The following PDE1C variants were observed in gnomAD, a reference collection of about 807,000 sequenced individuals.
PDE1C encodes dual specificity calcium/calmodulin-dependent 3',5'-cyclic nucleotide phosphodiesterase 1C.
In PDE1C, 62 loss-of-function variants were observed where a neutral mutation model predicts 93.1. The ratio of observed to expected loss-of-function variants is 0.67; its 90% CI spans 0.54 to 0.82. PDE1C has a LOEUF of 0.82. Ranked by LOEUF, PDE1C falls within the 40% of genes least tolerant of loss-of-function variation. The probability of loss-of-function intolerance (pLI) is 0.00; values close to 1 mark genes in which losing one functional copy is unlikely to be tolerated. For missense variants in PDE1C, 742 were observed against 884.6 expected (o/e 0.84, Z 2.04); for synonymous variants, 325 against 310.1 (o/e 1.05, Z -0.50).
chr7:31,965,698 C>A (rs977086951), intron 2 of PDE1C, among the ~76,000 whole-genome samples: 41 of 152,146 alleles, frequency 2.7e-4, no homozygotes, highest in African/African-American at 9.9e-4. Context: ...ATGTTAAGGG[C>A]AGCCAGAGAG....
chr7:31,663,341 A>G, the PDE1C span, among the ~76,000 whole-genome samples: 2 of 152,178 alleles, frequency 1.3e-5, no homozygotes, highest in Non-Finnish European at 2.9e-5. Flanking sequence ...TTGTAATGCC[A>G]TTCGTTACCA....
At chr7:31,813,688 A>G (rs1012579829) in intron 15 of PDE1C, among the ~76,000 whole-genome samples, 3 of 151,948 alleles carry the variant, frequency 2.0e-5, no homozygotes, top group African/African-American at 7.3e-5. Context: ...GTTTTTGGGG[A>G]AAAGATGGTG....
intron 15 of PDE1C, among the ~76,000 whole-genome samples, chr7:31,812,325 T>C (rs1787657054): frequency 6.6e-6 from 1 of 152,120 alleles, no homozygotes; most frequent in Admixed American, 6.6e-5. Context: ...AACTTCAAAA[T>C]GAATTATTAT....
intron 2 of PDE1C, among the ~76,000 whole-genome samples, chr7:31,976,812 C>A (rs1811731072): frequency 6.6e-6 from 1 of 152,176 alleles, no homozygotes; most frequent in Non-Finnish European, 1.5e-5. Context: ...AAAGCAAACG[C>A]CATGGACCCC....
At chr7:31,636,542 T>C in the PDE1C span, among the ~76,000 whole-genome samples, 2 of 152,136 alleles carry the variant, frequency 1.3e-5, no homozygotes, top group Non-Finnish European at 2.9e-5. Flanking sequence ...GTCCATCTTT[T>C]ACCAAGGCTC....
chr7:32,303,747 A>G (rs1199215142), upstream of PDE1C, among the ~76,000 whole-genome samples: 1 of 151,978 alleles, frequency 6.6e-6, no homozygotes, highest in Non-Finnish European at 1.5e-5. Context: ...CAAAGGGGCA[A>G]TTTTTTTCTT....
At chr7:31,656,430 C>T in the PDE1C span, 77 of 743,882 alleles carry the variant, frequency 1.0e-4, no homozygotes, top group South Asian at 2.4e-4. Context: ...ATGTCCATCA[C>T]GTAGTAAGTG....
chr7:31,871,942 C>A (rs1795998448), intron 6 of PDE1C, among the ~76,000 whole-genome samples: 1 of 152,084 alleles, frequency 6.6e-6, no homozygotes, highest in African/African-American at 2.4e-5. Context: ...TATTGCAGTA[C>A]TATTCACAAT....
chr7:31,716,338 C>G, the PDE1C span, among the ~76,000 whole-genome samples: 1 of 152,126 alleles, frequency 6.6e-6, no homozygotes, highest in African/African-American at 2.4e-5. Flanking sequence ...GTAGAGAGTA[C>G]TAAGAGTTCT....
At chr7:32,137,430 G>A (rs1411208669) in intron 3 of PDE1C, among the ~76,000 whole-genome samples, 5 of 152,112 alleles carry the variant, frequency 3.3e-5, no homozygotes, top group African/African-American at 4.8e-5. Context: ...CTTCGCTTAG[G>A]TGTCACCATT....
intron 1 of PDE1C, among the ~76,000 whole-genome samples, chr7:32,412,289 A>C (rs10228047): frequency 0.15 from 22,432 of 151,590 alleles, 3,243 homozygotes; most frequent in African/African-American, 0.37. Flanking sequence ...ACCCCTGTTT[A>C]TACTAAAAAT....
intron 2 of PDE1C, among the ~76,000 whole-genome samples, chr7:32,037,047 G>A (rs759644153): frequency 2.0e-5 from 3 of 152,224 alleles, no homozygotes; most frequent in Admixed American, 6.5e-5. Flanking sequence ...TATCAATTAC[G>A]TAAGAAAGAA....
At chr7:31,709,583 T>C in the PDE1C span, among the ~76,000 whole-genome samples, 4 of 152,122 alleles carry the variant, frequency 2.6e-5, no homozygotes, top group East Asian at 1.9e-4. Context: ...ATCAGTTATA[T>C]GGCCTTAACT....
intron 14 of PDE1C, among the ~76,000 whole-genome samples, chr7:31,822,502 G>A (rs952922771): frequency 6.6e-6 from 1 of 152,036 alleles, no homozygotes; most frequent in Admixed American, 6.6e-5. Context: ...AGTACCAAGG[G>A]CCACAACTTT....
chr7:31,946,862 T>A (rs993249568), intron 2 of PDE1C, among the ~76,000 whole-genome samples: 3 of 152,210 alleles, frequency 2.0e-5, no homozygotes, highest in Admixed American at 1.3e-4. Flanking sequence ...GTGATTTTTT[T>A]CCTTGCTATT....
chr7:31,908,020 A>G (rs569911012), intron 2 of PDE1C, among the ~76,000 whole-genome samples: 12 of 152,292 alleles, frequency 7.9e-5, no homozygotes, highest in Admixed American at 4.6e-4. Context: ...GTTAAAATCC[A>G]CCCAGTATTT....
intron 1 of PDE1C, among the ~76,000 whole-genome samples, chr7:32,410,602 C>A (rs1349613668): frequency 1.3e-5 from 2 of 152,128 alleles, no homozygotes; most frequent in Admixed American, 6.6e-5. Flanking sequence ...TCTGCCTTGC[C>A]CTGTGTCCTC....
At chr7:31,652,149 G>T in the PDE1C span, 35 of 931,138 alleles carry the variant, frequency 3.8e-5, no homozygotes, top group African/African-American at 5.6e-4. Context: ...CAGAATCTAG[G>T]TTTACATGCC....
intron 3 of PDE1C, among the ~76,000 whole-genome samples, chr7:32,097,330 C>G (rs967868268): frequency 1.3e-5 from 2 of 152,180 alleles, no homozygotes; most frequent in Non-Finnish European, 2.9e-5. Flanking sequence ...AATATAGCTA[C>G]TGAATTAACT....
Sources: gnomAD v4.1 joint callset for allele counts (sites outside exome capture counted in the v4.1 genomes callset) on GRCh38, gnomAD v4.1.1 for gene constraint, MANE v1.5 for transcripts, NCBI Gene and HGNC (gene_info 2026-07-23, HGNC 2026-07-21) for gene names.